Variants in MOB3B observed in about 807,000 individuals in gnomAD.
MOB3B encodes MOB kinase activator-like 2B.
MOB3B carries 7 observed loss-of-function variants against 18.7 expected under a neutral mutation model. The observed-to-expected ratio is 0.37, with a 90% CI of 0.21 to 0.70. The LOEUF is 0.70. Among genes scored for constraint, MOB3B ranks in the 30% least tolerant of loss-of-function variants. The pLI is 0.52. For synonymous variants in MOB3B, 111 were observed against 99.9 expected, an observed-to-expected ratio of 1.11 and a Z score of -0.66; for missense variants, 253 against 281.3, an observed-to-expected ratio of 0.90 and a Z score of 0.72.
At chr9:27,487,588 C>A (rs947003019) in intron 1 of MOB3B, among the ~76,000 whole-genome samples, 1 of 151,952 alleles carries the variant, frequency 6.6e-6, no homozygotes, top group African/African-American at 2.4e-5. Flanking sequence ...CCTGATGTAC[C>A]ACGAGTAATA....
chr9:27,459,834 T>C (rs2131454900), intron 1 of MOB3B, among the ~76,000 whole-genome samples: 1 of 118,898 alleles, frequency 8.4e-6, no homozygotes, highest in South Asian at 2.6e-4. Flanking sequence ...ACTGTAGCAC[T>C]AGCAACAACA....
At chr9:27,443,103 T>C (rs1822620190) in intron 2 of MOB3B, among the ~76,000 whole-genome samples, 1 of 152,210 alleles carries the variant, frequency 6.6e-6, no homozygotes, top group East Asian at 1.9e-4. Context: ...TCACTAAATA[T>C]AGGGTGAAGC....
chr9:27,348,165 GAGTCAGA>G (rs1379162772), intron 3 of MOB3B, among the ~76,000 whole-genome samples: 4 of 152,142 alleles, frequency 2.6e-5, no homozygotes, highest in Non-Finnish European at 5.9e-5. Flanking sequence ...AGTTTTCACG[GAGTCAGA>G]TTTCTTAAGC....
In MOB3B at chr9:27,331,179, G is replaced by T. The variant is rs146567704; in HGVS notation, c.622-563C>A. On this transcript the variant is annotated intron_variant, in intron 3 of 3. Transcript: ENST00000262244. Reference sequence around the variant, plus strand: ...TAATACACCAAAGTGTCTGACATGCGTCACCTGCCTGGCTCTTGTGGGTAT... The same window carrying T: ...TAATACACCAAAGTGTCTGACATGCTTCACCTGCCTGGCTCTTGTGGGTAT... 1.8e-4 allele frequency among the ~76,000 whole-genome samples: 28 copies of T among 152,278 alleles called. 1 individual carries two copies. In the East Asian group the frequency reaches 5.2e-3, roughly 28 times the overall value.
chr9:27,448,952 A>T (rs1378819067), intron 2 of MOB3B, among the ~76,000 whole-genome samples: 1 of 152,200 alleles, frequency 6.6e-6, no homozygotes, highest in East Asian at 1.9e-4. Context: ...CTTATCCCAG[A>T]TGTGACTAAT....
intron 2 of MOB3B, among the ~76,000 whole-genome samples, chr9:27,363,885 G>T (rs1466318439): frequency 6.6e-6 from 1 of 152,146 alleles, no homozygotes; most frequent in Admixed American, 6.5e-5. Context: ...GAGAATACAG[G>T]CATGCGCCAC....
chr9:27,522,400 T>C (rs930618451), intron 1 of MOB3B, among the ~76,000 whole-genome samples: 2 of 141,836 alleles, frequency 1.4e-5, no homozygotes, highest in Non-Finnish European at 3.0e-5. Flanking sequence ...AATTTTTGCA[T>C]ATATATCAAG....
intron 2 of MOB3B, among the ~76,000 whole-genome samples, chr9:27,452,421 GA>G (rs1822803865): frequency 6.6e-6 from 1 of 152,162 alleles, no homozygotes; most frequent in Admixed American, 6.5e-5. Context: ...CAGAAGGAGA[GA>G]AAAACATGAA....
chr9:27,456,898 A>G (rs1246661478), intron 1 of MOB3B, among the ~76,000 whole-genome samples: 1 of 152,232 alleles, frequency 6.6e-6, no homozygotes. Context: ...GCTCACAGCT[A>G]CCACACTGGA....
chr9:27,487,627 T>A (rs1311415517), intron 1 of MOB3B, among the ~76,000 whole-genome samples: 1 of 152,120 alleles, frequency 6.6e-6, no homozygotes, highest in Non-Finnish European at 1.5e-5. Flanking sequence ...GGGTTCATTA[T>A]TTCCTTTCCA....
intron 1 of MOB3B, chr9:27,524,227 G>T: frequency 4.0e-6 from 4 of 991,402 alleles, no homozygotes; most frequent in Non-Finnish European, 5.5e-6. Flanking sequence ...AATGACGAAT[G>T]AGAAAACTCC....
chr9:27,368,472 T>A (rs1821369183), intron 2 of MOB3B, among the ~76,000 whole-genome samples: 1 of 152,164 alleles, frequency 6.6e-6, no homozygotes, highest in South Asian at 2.1e-4. Context: ...TCTTAGCAGA[T>A]GTTTTGTGTT....
At chr9:27,356,404 G>C (rs1312874749) in intron 3 of MOB3B, among the ~76,000 whole-genome samples, 1 of 152,150 alleles carries the variant, frequency 6.6e-6, no homozygotes, top group Non-Finnish European at 1.5e-5. Context: ...TGACATGTTT[G>C]AGGCCATTCT....
At chr9:27,452,911 A>G (rs1414482915) in intron 2 of MOB3B, among the ~76,000 whole-genome samples, 1 of 152,226 alleles carries the variant, frequency 6.6e-6, no homozygotes, top group Non-Finnish European at 1.5e-5. Flanking sequence ...CAAAAAATAC[A>G]AAACTTCAGT....
intron 1 of MOB3B, among the ~76,000 whole-genome samples, chr9:27,522,258 A>T (rs1181263983): frequency 4.8e-5 from 7 of 144,902 alleles, no homozygotes; most frequent in African/African-American, 1.7e-4. Flanking sequence ...AAAAAAAAAA[A>T]AAAAAAAAGA....
intron 1 of MOB3B, among the ~76,000 whole-genome samples, chr9:27,499,068 C>G (rs1326525776): frequency 6.6e-6 from 1 of 152,186 alleles, no homozygotes; most frequent in Non-Finnish European, 1.5e-5. Flanking sequence ...AATTTAAATT[C>G]TAAACCACCT....
intron 2 of MOB3B, among the ~76,000 whole-genome samples, chr9:27,387,867 G>A (rs17835637): frequency 0.016 from 2,375 of 152,198 alleles, 57 homozygotes; most frequent in East Asian, 0.12. Flanking sequence ...AGTTTGTCTC[G>A]CAGCAAGGGG....
chr9:27,407,096 C>T (rs1821993021), intron 2 of MOB3B, among the ~76,000 whole-genome samples: 1 of 152,126 alleles, frequency 6.6e-6, no homozygotes, highest in Admixed American at 6.5e-5. Context: ...CTCAGCCTCC[C>T]AAAGTGCTGG....
intron 2 of MOB3B, among the ~76,000 whole-genome samples, chr9:27,435,421 G>T (rs1052050341): frequency 5.9e-5 from 9 of 152,034 alleles, no homozygotes. Flanking sequence ...GCTATGAAAG[G>T]TAGAGTAGAG....
Sources: allele counts gnomAD v4.1 joint callset (sites outside exome capture counted in the v4.1 genomes callset), GRCh38; gene constraint gnomAD v4.1.1; transcripts MANE v1.5; gene names NCBI Gene and HGNC (gene_info 2026-07-23, HGNC 2026-07-21).